The following FOXN3 variants were observed in gnomAD, a reference collection of about 807,000 sequenced individuals.
FOXN3 encodes the protein forkhead box protein N3.
Under a neutral mutation model 38.4 loss-of-function variants are expected in FOXN3, and 7 were observed. The observed-to-expected ratio is 0.18, with a 90% confidence interval of 0.10 to 0.34. The LOEUF (loss-of-function observed/expected upper bound fraction) is 0.34. Among genes scored for constraint, FOXN3 ranks in the 10% least tolerant of loss-of-function variants. The probability of loss-of-function intolerance (pLI) is 1.00; values close to 1 mark genes in which losing one functional copy is unlikely to be tolerated. For missense variants in FOXN3, 456 were observed against 613.4 expected, an observed-to-expected ratio of 0.74 and a Z score of 2.71; for synonymous variants, 230 against 242.2, an observed-to-expected ratio of 0.95 and a Z score of 0.47.
intron 1 of FOXN3, among the ~76,000 whole-genome samples, chr14:89,580,199 G>A (rs1440591599): frequency 6.6e-6 from 1 of 152,136 alleles, no homozygotes; most frequent in African/African-American, 2.4e-5. Flanking sequence ...AGTTGCCCAG[G>A]AACTTGTATT....
intron 2 of FOXN3, among the ~76,000 whole-genome samples, chr14:89,352,950 T>A (rs1889039470): frequency 6.6e-6 from 1 of 152,070 alleles, no homozygotes; most frequent in Non-Finnish European, 1.5e-5. Context: ...GATCGCACCA[T>A]TTGCACTCCA....
At chr14:89,355,497 A>T (rs1182974573) in intron 2 of FOXN3, among the ~76,000 whole-genome samples, 1 of 152,056 alleles carries the variant, frequency 6.6e-6, no homozygotes, top group Non-Finnish European at 1.5e-5. Flanking sequence ...TTGGCCTCCC[A>T]AAGTGCTGGA....
At chr14:89,246,632 T>C (rs1329543307) in intron 4 of FOXN3, among the ~76,000 whole-genome samples, 1 of 146,178 alleles carries the variant, frequency 6.8e-6, no homozygotes, top group Non-Finnish European at 1.5e-5. Flanking sequence ...CTCTGCCTCC[T>C]GGGTTCAAGC....
chr14:89,219,570 G>A (rs926234020), intron 4 of FOXN3, among the ~76,000 whole-genome samples: 1 of 152,138 alleles, frequency 6.6e-6, no homozygotes, highest in African/African-American at 2.4e-5. Flanking sequence ...ACATGCAGTG[G>A]GCTGTCATCA....
intron 5 of FOXN3, among the ~76,000 whole-genome samples, chr14:89,175,647 G>A (rs187596505): frequency 3.9e-5 from 6 of 152,314 alleles, no homozygotes; most frequent in Admixed American, 1.3e-4. Context: ...GAGGTCACAC[G>A]GCTGCAGGAG....
intron 4 of FOXN3, among the ~76,000 whole-genome samples, chr14:89,268,579 G>C (rs954242666): frequency 6.6e-6 from 1 of 152,256 alleles, no homozygotes; most frequent in African/African-American, 2.4e-5. Context: ...CAAGGAGAGA[G>C]TGGCCCCTGT....
At position 89,440,700 on chromosome 14, in the gene FOXN3, C is replaced by T. The variant is rs180986214; in HGVS notation, c.-14-28210G>A. On this transcript the variant is annotated intron_variant, in intron 1 of 6. Coordinates refer to the FOXN3 transcript ENST00000345097. Reference sequence around the variant, plus strand: ...ACGGCCCCACCCTTATCTCCCTTCGCTGACTCTTTTCGGACTCAGCCCACC... The same window carrying T: ...ACGGCCCCACCCTTATCTCCCTTCGTTGACTCTTTTCGGACTCAGCCCACC... 3.1e-3 allele frequency among the ~76,000 whole-genome samples: 467 copies of T among 152,340 alleles called. 3 individuals carry two copies. The highest frequency in any genetic ancestry group is 0.011 in the African/African-American group (451 of 41,578).
chr14:89,608,990 G>C (rs1896336454), intron 1 of FOXN3, among the ~76,000 whole-genome samples: 1 of 152,170 alleles, frequency 6.6e-6, no homozygotes, highest in Non-Finnish European at 1.5e-5. Flanking sequence ...TGAAAGTGGT[G>C]ACTGTACAAC....
Position 89,281,017 on chromosome 14 carries a change from G to T in FOXN3, c.681-3C>A, listed in dbSNP as rs754398174. On this transcript the variant is annotated splice_region_variant and splice_polypyrimidine_tract_variant and intron_variant, in intron 3 of 5. Coordinates refer to ENST00000557258, the MANE Select transcript of FOXN3 (RefSeq NM_005197.4). ...GCCAGATGGGTGGACCTGATGTGCT[G>T]AAAGAGAAAAGAAACTAGCATAAGG... 2.5e-6 allele frequency: 4 copies of T among 1,612,976 alleles called. No homozygotes were observed. Among genetic ancestry groups the T allele is most frequent in the Middle Eastern group, 3.3e-4 (2 of 6,060 alleles).
At chr14:89,352,938 G>A (rs1889038749) in intron 2 of FOXN3, among the ~76,000 whole-genome samples, 1 of 152,140 alleles carries the variant, frequency 6.6e-6, no homozygotes, top group South Asian at 2.1e-4. Context: ...GCAGCGAGCG[G>A]AGATCGCACC....
At chr14:89,294,360 A>T (rs978744947) in intron 3 of FOXN3, among the ~76,000 whole-genome samples, 54 of 151,948 alleles carry the variant, frequency 3.6e-4, no homozygotes, top group African/African-American at 1.3e-3. Flanking sequence ...ATGTCAACAA[A>T]GCCTCTCATT....
upstream of FOXN3, among the ~76,000 whole-genome samples, chr14:89,418,311 G>C (rs1566649342): frequency 6.6e-6 from 1 of 151,626 alleles, no homozygotes; most frequent in African/African-American, 2.4e-5. Context: ...TAGACCTGGA[G>C]AAAGCTTTCT....
chr14:89,410,480 C>T (rs1461238658), intron 2 of FOXN3, among the ~76,000 whole-genome samples: 8 of 152,192 alleles, frequency 5.3e-5, no homozygotes, highest in African/African-American at 1.9e-4. Context: ...TTTATCTTAA[C>T]CGCGGCTGCA....
intron 3 of FOXN3, among the ~76,000 whole-genome samples, chr14:89,320,425 T>C (rs1887864389): frequency 6.6e-6 from 1 of 152,238 alleles, no homozygotes; most frequent in Admixed American, 6.5e-5. Flanking sequence ...CAGGATTCCA[T>C]GGTATGAAAA....
chr14:89,340,222 G>T (rs549458840), intron 3 of FOXN3, among the ~76,000 whole-genome samples: 5 of 152,160 alleles, frequency 3.3e-5, no homozygotes, highest in African/African-American at 1.2e-4. Context: ...CGTGTGTTCT[G>T]AGGGAAGGGG....
chr14:89,421,365 C>T (rs565808874), upstream of FOXN3, among the ~76,000 whole-genome samples: 7 of 151,482 alleles, frequency 4.6e-5, no homozygotes, highest in South Asian at 8.3e-4. Flanking sequence ...TCAGGCTGGT[C>T]TTGAACTCCT....
At chr14:89,474,509 C>T (rs892748022) in intron 1 of FOXN3, among the ~76,000 whole-genome samples, 1 of 152,186 alleles carries the variant, frequency 6.6e-6, no homozygotes, top group Non-Finnish European at 1.5e-5. Context: ...ATAAAAGCAT[C>T]ATGCTCTTTT....
chr14:89,312,202 A>G (rs1887570691), intron 3 of FOXN3, among the ~76,000 whole-genome samples: 1 of 147,920 alleles, frequency 6.8e-6, no homozygotes, highest in African/African-American at 2.5e-5. Context: ...TGAGAGTCAC[A>G]TGAACCTGTG....
chr14:89,595,312 G>A lies in FOXN3; in HGVS notation c.-15+23716C>T, dbSNP rs1035156139. ...TGCACTCCAGCCTGGGCAATTGAGC[G>A]AGATTCCATCTCAAAAAAAAAAAAG... is the stretch of plus-strand genomic sequence containing the variant. On this transcript the variant is annotated intron_variant, in intron 1 of 6. Coordinates refer to the FOXN3 transcript ENST00000345097. 1.5e-4 allele frequency among the ~76,000 whole-genome samples: 22 copies of A among 151,304 alleles called. No individual in the cohort carries two copies. The East Asian group carries it at 1.7e-3, about 12-fold the overall frequency.
Sources: gnomAD v4.1 joint callset for allele counts (sites outside exome capture counted in the v4.1 genomes callset) on GRCh38, gnomAD v4.1.1 for gene constraint, MANE v1.5 for transcripts, NCBI Gene and HGNC (gene_info 2026-07-23, HGNC 2026-07-21) for gene names.